ZMYND8: variants seen among roughly 807,000 people sequenced by gnomAD.
ZMYND8 encodes the protein MYND-type zinc finger-containing chromatin reader ZMYND8.
A neutral mutation model predicts 140.8 loss-of-function variants in ZMYND8; 37 were observed. That is an observed-to-expected ratio of 0.26 (90% CI 0.20 to 0.35). The LOEUF (loss-of-function observed/expected upper bound fraction) is 0.35, where lower values mean the gene tolerates loss of function less well. ZMYND8 is among the 10% of genes least tolerant of loss of function. The pLI, the probability that ZMYND8 is intolerant of heterozygous loss-of-function variation, is 1.00. For missense variants in ZMYND8, 1,068 were observed against 1,570.0 expected (o/e 0.68, Z 5.40); for synonymous variants, 592 against 597.1 (o/e 0.99, Z 0.12).
At chr20:47,302,875 A>G (rs1299567254) in intron 3 of ZMYND8, among the ~76,000 whole-genome samples, 3 of 152,214 alleles carry the variant, frequency 2.0e-5, no homozygotes, top group Admixed American at 6.5e-5. Context: ...ACAGAAGGGG[A>G]CAGCATCCAG....
intron 8 of ZMYND8, among the ~76,000 whole-genome samples, chr20:47,285,283 C>T (rs1248260974): frequency 6.6e-6 from 1 of 152,164 alleles, no homozygotes; most frequent in Non-Finnish European, 1.5e-5. Context: ...ATGCAAGGTG[C>T]CACATATTTA....
chr20:47,241,692 A>G (rs935135893), intron 14 of ZMYND8, among the ~76,000 whole-genome samples: 1 of 152,106 alleles, frequency 6.6e-6, no homozygotes, highest in African/African-American at 2.4e-5. Flanking sequence ...AGGTGAGCCT[A>G]TGCCCCAGAG....
chr20:47,352,215 C>T (rs1483142908), intron 1 of ZMYND8, among the ~76,000 whole-genome samples: 1 of 152,200 alleles, frequency 6.6e-6, no homozygotes, highest in African/African-American at 2.4e-5. Flanking sequence ...TAGAAACCAG[C>T]TTTGCATCCA....
chr20:47,269,761 C>T (rs1413085731), intron 11 of ZMYND8, among the ~76,000 whole-genome samples: 3 of 152,166 alleles, frequency 2.0e-5, no homozygotes, highest in Non-Finnish European at 2.9e-5. Context: ...GAATGATTCA[C>T]GCTAAATGTC....
chr20:47,226,226 C>T (rs917253704), intron 18 of ZMYND8, among the ~76,000 whole-genome samples: 2 of 151,842 alleles, frequency 1.3e-5, no homozygotes, highest in East Asian at 3.9e-4. Flanking sequence ...ACCAAGGGCT[C>T]CTCTCCAGGG....
chr20:47,295,063 A>G (rs544612010), intron 4 of ZMYND8, among the ~76,000 whole-genome samples: 7 of 152,216 alleles, frequency 4.6e-5, no homozygotes, highest in Non-Finnish European at 1.0e-4. Context: ...AAAAATCATC[A>G]TTATTATAAC....
intron 11 of ZMYND8, among the ~76,000 whole-genome samples, chr20:47,271,855 G>T (rs1282785509): frequency 6.6e-6 from 1 of 152,058 alleles, no homozygotes; most frequent in African/African-American, 2.4e-5. Flanking sequence ...CTAAGTTTTT[G>T]TATTTTTAGT....
At chr20:47,326,994 G>A (rs979706169) in intron 2 of ZMYND8, among the ~76,000 whole-genome samples, 2 of 152,164 alleles carry the variant, frequency 1.3e-5, no homozygotes, top group Non-Finnish European at 2.9e-5. Context: ...TGAAGTCTGG[G>A]GATGGGGAGT....
intron 2 of ZMYND8, among the ~76,000 whole-genome samples, chr20:47,345,801 A>C (rs983389532): frequency 8.3e-6 from 1 of 120,350 alleles, no homozygotes. Flanking sequence ...GAGCCAACGC[A>C]CTCTGTCCAC....
chr20:47,301,743 A>G (rs2078062933), intron 3 of ZMYND8, among the ~76,000 whole-genome samples: 1 of 152,098 alleles, frequency 6.6e-6, no homozygotes, highest in Non-Finnish European at 1.5e-5. Context: ...ATATTATTTA[A>G]AATATTGTAT....
intron 2 of ZMYND8, among the ~76,000 whole-genome samples, chr20:47,312,829 G>T (rs2079044466): frequency 6.6e-6 from 1 of 151,450 alleles, no homozygotes; most frequent in African/African-American, 2.4e-5. Flanking sequence ...GCAGCCCGGG[G>T]TGAGCACATT....
intron 2 of ZMYND8, among the ~76,000 whole-genome samples, chr20:47,333,957 G>A (rs980415056): frequency 2.6e-5 from 4 of 151,608 alleles, no homozygotes; most frequent in African/African-American, 9.7e-5. Flanking sequence ...AGGGAGGAAT[G>A]AATAAATGAA....
At chr20:47,283,098 A>G (rs962617365) in intron 9 of ZMYND8, among the ~76,000 whole-genome samples, 8 of 152,182 alleles carry the variant, frequency 5.3e-5, no homozygotes, top group South Asian at 2.1e-4. Context: ...TTCTCTCTGC[A>G]GAACCCCAGC....
At chr20:47,285,632 A>G (rs866682427) in intron 8 of ZMYND8, 1 of 953,528 alleles carries the variant, frequency 1.0e-6, no homozygotes, top group Non-Finnish European at 1.2e-6. Context: ...TCACAGCCTC[A>G]TAGTAGTTTT....
chr20:47,265,604 C>G (rs1285059349), intron 11 of ZMYND8, among the ~76,000 whole-genome samples: 1 of 152,188 alleles, frequency 6.6e-6, no homozygotes, highest in Non-Finnish European at 1.5e-5. Flanking sequence ...CCATGCCCAA[C>G]TAATCTTTTT....
At chr20:47,255,740 A>ATATATATATATATATATATATATACGG in intron 12 of ZMYND8, among the ~76,000 whole-genome samples, 1 of 34,870 alleles carries the variant, frequency 2.9e-5, no homozygotes, top group South Asian at 9.9e-4. Flanking sequence ...ATATATATAT[A>ATATATATATATATATATATATATACGG]TATATATATA....
At chr20:47,339,043 G>A (rs1325635105) in intron 2 of ZMYND8, among the ~76,000 whole-genome samples, 1 of 150,846 alleles carries the variant, frequency 6.6e-6, no homozygotes, top group African/African-American at 2.4e-5. Context: ...CGTGATCTTG[G>A]CTCACTGCAA....
chr20:47,221,527 T>G (rs556139123), intron 19 of ZMYND8, 53 bp from the exon 20 acceptor site: 1 of 1,583,396 alleles, frequency 6.3e-7, no homozygotes, highest in East Asian at 2.3e-5. Context: ...TACGATGATT[T>G]TGAAACATGC....
chr20:47,240,970 C>T (rs764958870), intron 14 of ZMYND8, among the ~76,000 whole-genome samples: 2 of 152,120 alleles, frequency 1.3e-5, no homozygotes, highest in African/African-American at 2.4e-5. Context: ...TACTGTGTCC[C>T]GCTTTAAATG....
Sources: gnomAD v4.1 joint callset for allele counts (sites outside exome capture counted in the v4.1 genomes callset) on GRCh38, gnomAD v4.1.1 for gene constraint, MANE v1.5 for transcripts, NCBI Gene and HGNC (gene_info 2026-07-23, HGNC 2026-07-21) for gene names.